Variants in STPG4 observed in about 807,000 individuals in gnomAD.
STPG4 encodes the protein protein STPG4.
A neutral mutation model predicts 31.5 loss-of-function variants in STPG4; 41 were observed. The ratio of observed to expected loss-of-function variants is 1.30; its 90% CI spans 1.01 to 1.69. The LOEUF (loss-of-function observed/expected upper bound fraction) is 1.69. STPG4 is among the 40% of genes most tolerant of loss of function. The pLI is 0.00. For synonymous variants in STPG4, 141 were observed against 103.0 expected, an observed-to-expected ratio of 1.37 and a Z score of -2.24; for missense variants, 375 against 293.4, an observed-to-expected ratio of 1.28 and a Z score of -2.03.
intron 6 of STPG4, among the ~76,000 whole-genome samples, chr2:47,089,923 C>A (rs1463976729): frequency 6.6e-6 from 1 of 152,214 alleles, no homozygotes; most frequent in Non-Finnish European, 1.5e-5. Context: ...CAGAGAACAG[C>A]CATTCTGGCT....
chr2:47,104,426 A>G (rs1685861164), intron 5 of STPG4, among the ~76,000 whole-genome samples: 1 of 152,012 alleles, frequency 6.6e-6, no homozygotes, highest in South Asian at 2.1e-4. Flanking sequence ...AATGAGGCAG[A>G]AATTCCACTA....
At chr2:47,091,429 G>A (rs1019160616) in intron 5 of STPG4, among the ~76,000 whole-genome samples, 2 of 152,200 alleles carry the variant, frequency 1.3e-5, no homozygotes, top group African/African-American at 4.8e-5. Flanking sequence ...AATGGGAATA[G>A]CCCAAACACC....
At chr2:47,093,450 G>A (rs566223070) in intron 5 of STPG4, among the ~76,000 whole-genome samples, 28 of 152,322 alleles carry the variant, frequency 1.8e-4, no homozygotes, top group Non-Finnish European at 3.1e-4. Context: ...GAGCCTCTCA[G>A]TTTGGCCATA....
intron 5 of STPG4, among the ~76,000 whole-genome samples, chr2:47,116,732 G>A (rs1366398732): frequency 6.6e-6 from 1 of 152,170 alleles, no homozygotes; most frequent in Non-Finnish European, 1.5e-5. Flanking sequence ...TAATGCCTTA[G>A]TATGAACTTG....
intron 5 of STPG4, among the ~76,000 whole-genome samples, chr2:47,111,694 C>T (rs888942939): frequency 2.6e-5 from 4 of 152,036 alleles, no homozygotes; most frequent in Non-Finnish European, 2.9e-5. Flanking sequence ...GCCCTTTTTA[C>T]TTATGGTAGA....
intron 5 of STPG4, among the ~76,000 whole-genome samples, chr2:47,122,817 G>A (rs1026482327): frequency 1.3e-5 from 2 of 151,746 alleles, no homozygotes; most frequent in Non-Finnish European, 1.5e-5. Flanking sequence ...TTGTTTGTCT[G>A]TTTGTTTTGT....
intron 5 of STPG4, 84 bp from the exon 6 acceptor site, chr2:47,090,458 T>C (rs1685548481): frequency 7.0e-6 from 6 of 863,264 alleles, no homozygotes; most frequent in Non-Finnish European, 1.1e-5. Flanking sequence ...CAAATAAACA[T>C]ATGAATCACT....
At chr2:47,132,334 A>G (rs960851239) in intron 3 of STPG4, among the ~76,000 whole-genome samples, 1 of 152,118 alleles carries the variant, frequency 6.6e-6, no homozygotes, top group Non-Finnish European at 1.5e-5. Flanking sequence ...TCCACTCCCT[A>G]TTATTTTTAT....
intron 5 of STPG4, 22 bp from the exon 6 acceptor site, chr2:47,090,396 G>T (rs1332791355): frequency 3.5e-5 from 51 of 1,449,996 alleles, no homozygotes; most frequent in Non-Finnish European, 4.5e-5. Context: ...TTAAAAAATT[G>T]CTTCATTATT....
chr2:47,089,573 C>A (rs1444326525), intron 6 of STPG4, among the ~76,000 whole-genome samples: 2 of 152,032 alleles, frequency 1.3e-5, no homozygotes, highest in African/African-American at 4.8e-5. Context: ...AGTCTACATA[C>A]CAGCAAGTCT....
At chr2:47,095,718 G>C (rs1261411090) in intron 5 of STPG4, among the ~76,000 whole-genome samples, 1 of 152,188 alleles carries the variant, frequency 6.6e-6, no homozygotes, top group East Asian at 1.9e-4. Context: ...TCATTTCTTA[G>C]TGTTAGAACA....
intron 5 of STPG4, among the ~76,000 whole-genome samples, chr2:47,112,775 G>C (rs2103756658): frequency 6.6e-6 from 1 of 152,136 alleles, no homozygotes; most frequent in African/African-American, 2.4e-5. Context: ...AAGAATTAGA[G>C]AATTAAAACT....
intron 5 of STPG4, among the ~76,000 whole-genome samples, chr2:47,102,804 C>T (rs1685827892): frequency 6.6e-6 from 1 of 151,806 alleles, no homozygotes; most frequent in African/African-American, 2.4e-5. Flanking sequence ...GGGTACATGT[C>T]CCCTTCTCCC....
intron 3 of STPG4, among the ~76,000 whole-genome samples, chr2:47,147,747 G>C (rs538802749): frequency 1.5e-4 from 23 of 152,146 alleles, no homozygotes; most frequent in Non-Finnish European, 1.9e-4. Flanking sequence ...CAACACTAGG[G>C]GAAATAGCAG....
intron 3 of STPG4, among the ~76,000 whole-genome samples, chr2:47,139,815 T>C (rs953231239): frequency 6.6e-6 from 1 of 152,080 alleles, no homozygotes; most frequent in Admixed American, 6.6e-5. Flanking sequence ...GCATAGTATA[T>C]CTTTCTCCAC....
intron 5 of STPG4, among the ~76,000 whole-genome samples, chr2:47,119,134 AAG>A (rs1366959685): frequency 4.6e-5 from 7 of 152,200 alleles, no homozygotes; most frequent in Admixed American, 1.3e-4. Flanking sequence ...CTGGGATCAA[AAG>A]AGTTTCCTCT....
intron 3 of STPG4, among the ~76,000 whole-genome samples, chr2:47,143,105 C>T (rs1686750225): frequency 1.3e-5 from 2 of 151,834 alleles, no homozygotes; most frequent in African/African-American, 2.4e-5. Context: ...GGATTACAGG[C>T]GTAAGCCACC....
At chr2:47,099,761 G>A (rs564339563) in intron 5 of STPG4, among the ~76,000 whole-genome samples, 84 of 152,380 alleles carry the variant, frequency 5.5e-4, no homozygotes, top group African/African-American at 1.8e-3. Context: ...CCGGGGCTGC[G>A]CGTGGCGCTT....
In STPG4 at chr2:47,130,185, T is replaced by C. The variant is rs903417454; in HGVS notation, c.464+11A>G. 3 of 1,609,436 alleles carry C rather than the reference T, an allele frequency of 1.9e-6. No homozygotes were observed. The highest frequency in any genetic ancestry group is 2.6e-6 in the Non-Finnish European group (3 of 1,175,844). On this transcript the variant is annotated intron_variant, in intron 4 of 6. Transcript: ENST00000445927. ...ACAGAAAGGCAGCTTATTTAATAAG[T>C]ATATAATTACCTGGAAGCATATTTG... is the stretch of plus-strand genomic sequence containing the variant.
Sources: gnomAD v4.1 joint callset for allele counts (sites outside exome capture counted in the v4.1 genomes callset) on GRCh38, gnomAD v4.1.1 for gene constraint, MANE v1.5 for transcripts, NCBI Gene and HGNC (gene_info 2026-07-23, HGNC 2026-07-21) for gene names.